The following MAN2A1 variants were observed in gnomAD, a reference collection of about 807,000 sequenced individuals.
MAN2A1 encodes the protein mannosidase alpha class 2A member 1, also known as alpha-mannosidase 2.
MAN2A1 carries 76 observed loss-of-function variants against 142.6 expected under a neutral mutation model. The ratio of observed to expected loss-of-function variants is 0.53; its 90% CI spans 0.44 to 0.65. The LOEUF (loss-of-function observed/expected upper bound fraction) is 0.65. Among genes scored for constraint, MAN2A1 ranks in the 30% least tolerant of loss-of-function variants. MAN2A1 has a pLI of 0.00. For synonymous variants in MAN2A1, 559 were observed against 473.2 expected, an observed-to-expected ratio of 1.18 and a Z score of -2.35; for missense variants, 1,311 against 1,365.1, an observed-to-expected ratio of 0.96 and a Z score of 0.62.
chr5:109,776,830 C>T (rs865836583), intron 8 of MAN2A1, among the ~76,000 whole-genome samples: 59 of 152,232 alleles, frequency 3.9e-4, no homozygotes, highest in African/African-American at 1.2e-3. Flanking sequence ...GAATTTTATA[C>T]GATGGGGACC....
chr5:109,710,516 T>G (rs1370693867), intron 1 of MAN2A1, among the ~76,000 whole-genome samples: 1 of 152,092 alleles, frequency 6.6e-6, no homozygotes, highest in Non-Finnish European at 1.5e-5. Context: ...GGTATTTTTT[T>G]TTTTTTGAGA....
chr5:109,738,302 C>G (rs1282335309), intron 4 of MAN2A1, among the ~76,000 whole-genome samples: 1 of 143,896 alleles, frequency 6.9e-6, no homozygotes, highest in Non-Finnish European at 1.5e-5. Context: ...TTCATTCATT[C>G]AACAGACACT....
chr5:109,841,991 G>A (rs1268013235), intron 16 of MAN2A1, among the ~76,000 whole-genome samples: 1 of 152,160 alleles, frequency 6.6e-6, no homozygotes, highest in Non-Finnish European at 1.5e-5. Flanking sequence ...AAGTGGACTG[G>A]CCTGTAGCTG....
chr5:109,691,674 A>G (rs912424854), intron 1 of MAN2A1, among the ~76,000 whole-genome samples: 3 of 152,252 alleles, frequency 2.0e-5, no homozygotes, highest in Admixed American at 1.3e-4. Context: ...AAGTGAAAAA[A>G]GACCCTTTTA....
intron 5 of MAN2A1, among the ~76,000 whole-genome samples, chr5:109,766,692 T>G (rs1185585787): frequency 5.9e-5 from 9 of 151,702 alleles, no homozygotes; most frequent in Admixed American, 5.9e-4. Flanking sequence ...GGTGTTTGAA[T>G]GAAAAAAAAT....
chr5:109,824,404 C>G (rs1754706623), intron 16 of MAN2A1, among the ~76,000 whole-genome samples: 1 of 152,102 alleles, frequency 6.6e-6, no homozygotes, highest in Non-Finnish European at 1.5e-5. Flanking sequence ...AGAACTTAAC[C>G]CTGGGCAATG....
intron 1 of MAN2A1, among the ~76,000 whole-genome samples, chr5:109,696,973 G>C (rs1212192901): frequency 6.6e-6 from 1 of 152,170 alleles, no homozygotes; most frequent in African/African-American, 2.4e-5. Context: ...GGAAAAAATG[G>C]AAGATTCTTA....
chr5:109,816,858 A>G (rs1168949405), intron 12 of MAN2A1, among the ~76,000 whole-genome samples: 1 of 152,178 alleles, frequency 6.6e-6, no homozygotes, highest in African/African-American at 2.4e-5. Flanking sequence ...CTTCTGAATC[A>G]TTATTTAATT....
At chr5:109,833,376 C>G (rs995707964) in intron 16 of MAN2A1, among the ~76,000 whole-genome samples, 2 of 152,062 alleles carry the variant, frequency 1.3e-5, no homozygotes, top group Admixed American at 6.5e-5. Flanking sequence ...CCAGCCTGGG[C>G]AACATTGAGC....
chr5:109,731,349 C>G (rs1473117502), intron 4 of MAN2A1, among the ~76,000 whole-genome samples: 1 of 138,940 alleles, frequency 7.2e-6, no homozygotes, highest in Non-Finnish European at 1.6e-5. Flanking sequence ...AATAGGAAAG[C>G]GTGTTTCTTT....
chr5:109,709,524 A>G (rs1000315612), intron 1 of MAN2A1, among the ~76,000 whole-genome samples: 1 of 152,220 alleles, frequency 6.6e-6, no homozygotes, highest in African/African-American at 2.4e-5. Flanking sequence ...GAAGGATCAC[A>G]GTGAGGCCAA....
rs775949748 is a variant in MAN2A1, at chr5:109,820,245, A to G, written c.2354A>G (p.Lys785Arg). 34 of 1,609,236 alleles carry G rather than the reference A, an allele frequency of 2.1e-5. No individual in the cohort carries two copies. The highest frequency in any genetic ancestry group is 1.8e-4 in the Middle Eastern group (1 of 5,606). Residue 785 changes from lysine to arginine, a missense_variant, in exon 15 of 22, where the codon AAA (lysine) becomes AGA (arginine). Lys to Arg is a conservative substitution (Grantham distance 26). Coordinates refer to ENST00000261483, the MANE Select transcript of MAN2A1 (RefSeq NM_002372.4). Reference protein sequence around the residue: ...MKQMMTKEDGKHHEVNVQFSW... With the variant: ...MKQMMTKEDGRHHEVNVQFSW... Reference sequence around the variant, plus strand: ...CAAATGATGACTAAAGAAGATGGTAAACACCATGAAGTAAATGTGCAATTT... The same window carrying G: ...CAAATGATGACTAAAGAAGATGGTAGACACCATGAAGTAAATGTGCAATTT...
chr5:109,705,303 C>T (rs1044256133), intron 1 of MAN2A1, among the ~76,000 whole-genome samples: 17 of 152,174 alleles, frequency 1.1e-4, no homozygotes, highest in African/African-American at 4.1e-4. Flanking sequence ...TTGATTGATT[C>T]TAAAACTCAG....
At chr5:109,791,973 G>T (rs573752364) in intron 12 of MAN2A1, among the ~76,000 whole-genome samples, 1 of 152,228 alleles carries the variant, frequency 6.6e-6, no homozygotes, top group African/African-American at 2.4e-5. Context: ...ATTAGTACAT[G>T]TTGATATGCC....
At position 109,850,933 on chromosome 5, in the gene MAN2A1, T is replaced by G. The variant is rs144547190; in HGVS notation, c.2976+3143T>G. Among the ~76,000 whole-genome samples the G allele has an allele frequency of 9.1e-3, 1,379 of 152,288 alleles. 7 individuals are homozygous for G. The highest frequency in any genetic ancestry group is 0.017 in the Middle Eastern group (5 of 294). ...CATTTTAATGTCTAGTGAAAATAAT[T>G]AAAAAGACACTTAATTGATGAAAGT... On this transcript the variant is annotated intron_variant, in intron 19 of 21. Coordinates refer to ENST00000261483, the MANE Select transcript of MAN2A1 (RefSeq NM_002372.4).
At chr5:109,717,063 A>AT (rs371206769) in intron 3 of MAN2A1, among the ~76,000 whole-genome samples, 19,102 of 145,812 alleles carry the variant, frequency 0.13, 1,224 homozygotes, top group African/African-American at 0.16. Flanking sequence ...TAGTTGCAGC[A>AT]TTTTTTTTTT....
In MAN2A1 at chr5:109,867,127, TTTTTC is replaced by T. The variant is rs530567775; in HGVS notation, c.*134_*138del. 4.6e-4 allele frequency: 263 copies of T among 565,720 alleles called. 2 individuals are homozygous for T. In the African/African-American group the frequency reaches 4.7e-3, roughly 10 times the overall value. The allele number at this position is 565,720 out of a possible 1,614,324, so 35.0% of individuals were successfully genotyped here. ...ACATGAATTCTGTGATTCTGTGGGT[TTTTTC>T]TTTTTTCTTTTACCAGTACAGTAAG... On this transcript the variant is annotated 3_prime_UTR_variant, in exon 22 of 22. Transcript: ENST00000261483.
At chr5:109,781,306 A>G in intron 8 of MAN2A1, 90 bp from the exon 9 acceptor site, 2 of 692,896 alleles carry the variant, frequency 2.9e-6, no homozygotes, top group Non-Finnish European at 2.3e-6. Flanking sequence ...AACACATGTT[A>G]AATATTTATT....
At chr5:109,838,112 A>G (rs976051915) in intron 16 of MAN2A1, among the ~76,000 whole-genome samples, 7 of 151,914 alleles carry the variant, frequency 4.6e-5, no homozygotes, top group Admixed American at 4.6e-4. Flanking sequence ...TACAGCATCT[A>G]TAGAACACTC....
Sources: allele counts gnomAD v4.1 joint callset (sites outside exome capture counted in the v4.1 genomes callset), GRCh38; gene constraint gnomAD v4.1.1; transcripts MANE v1.5; gene names NCBI Gene and HGNC (gene_info 2026-07-23, HGNC 2026-07-21).